The following NEGR1 variants were observed in gnomAD, a reference collection of about 807,000 sequenced individuals.
NEGR1 encodes the protein neuronal growth regulator 1, also known as IgLON family member 4.
A neutral mutation model predicts 40.9 loss-of-function variants in NEGR1; 10 were observed. The observed-to-expected ratio is 0.24, with a 90% CI of 0.15 to 0.42. The LOEUF is 0.42. Among genes scored for constraint, NEGR1 ranks in the 10% least tolerant of loss-of-function variants. The pLI is 1.00. For synonymous variants in NEGR1, 185 were observed against 166.8 expected, an observed-to-expected ratio of 1.11 and a Z score of -0.84; for missense variants, 352 against 438.9, an observed-to-expected ratio of 0.80 and a Z score of 1.77.
At chr1:71,921,975 T>A (rs1286054678) in intron 2 of NEGR1, among the ~76,000 whole-genome samples, 1 of 151,970 alleles carries the variant, frequency 6.6e-6, no homozygotes, top group Non-Finnish European at 1.5e-5. Context: ...AGAGAAGTTT[T>A]TACATACGTG....
chr1:71,511,753 T>C (rs1647074750), intron 6 of NEGR1, among the ~76,000 whole-genome samples: 1 of 152,216 alleles, frequency 6.6e-6, no homozygotes, highest in African/African-American at 2.4e-5. Context: ...TATCAGCAGC[T>C]GTATTTGCAC....
chr1:72,026,799 T>C (rs1057214588), intron 1 of NEGR1, among the ~76,000 whole-genome samples: 3 of 152,200 alleles, frequency 2.0e-5, no homozygotes, highest in Admixed American at 2.0e-4. Context: ...GTGAATTCCA[T>C]ACATTATTTC....
intron 1 of NEGR1, among the ~76,000 whole-genome samples, chr1:71,988,258 A>G (rs1646416925): frequency 1.3e-5 from 2 of 152,222 alleles, no homozygotes; most frequent in Non-Finnish European, 2.9e-5. Flanking sequence ...GGAAGAAAAA[A>G]GAAGGTATCA....
intron 1 of NEGR1, among the ~76,000 whole-genome samples, chr1:72,137,964 C>T (rs188662831): frequency 6.6e-6 from 1 of 151,960 alleles, no homozygotes; most frequent in Admixed American, 6.6e-5. Context: ...TAAAATATAT[C>T]TTAAAAACAA....
At chr1:72,024,776 T>C (rs1216843865) in intron 1 of NEGR1, among the ~76,000 whole-genome samples, 5 of 152,216 alleles carry the variant, frequency 3.3e-5, no homozygotes, top group African/African-American at 1.2e-4. Context: ...GTCATTATTG[T>C]GAAACGTGAG....
intron 2 of NEGR1, among the ~76,000 whole-genome samples, chr1:71,828,893 T>C (rs748556034): frequency 2.6e-5 from 4 of 151,918 alleles, no homozygotes; most frequent in African/African-American, 9.7e-5. Flanking sequence ...GGCTGAGCCA[T>C]GAGACAAGGC....
chr1:71,888,369 G>A (rs1344904821), intron 2 of NEGR1, among the ~76,000 whole-genome samples: 3 of 152,242 alleles, frequency 2.0e-5, no homozygotes, highest in South Asian at 2.1e-4. Context: ...CCCACCGTGC[G>A]CGAGCCTAAG....
chr1:71,876,821 G>T (rs761513328), intron 2 of NEGR1, among the ~76,000 whole-genome samples: 3 of 152,018 alleles, frequency 2.0e-5, no homozygotes, highest in African/African-American at 7.2e-5. Context: ...TTCACTGATG[G>T]ATAAACATTG....
At chr1:72,144,194 A>G (rs2100341746) in intron 1 of NEGR1, among the ~76,000 whole-genome samples, 1 of 151,528 alleles carries the variant, frequency 6.6e-6, no homozygotes, top group Middle Eastern at 3.4e-3. Context: ...TTCATTCTAA[A>G]TTACTTAAAA....
intron 6 of NEGR1, among the ~76,000 whole-genome samples, chr1:71,409,543 C>T (rs190588560): frequency 1.3e-5 from 2 of 152,126 alleles, no homozygotes; most frequent in Admixed American, 1.3e-4. Context: ...TCCTGGACCT[C>T]CTCTCATTCT....
intron 1 of NEGR1, among the ~76,000 whole-genome samples, chr1:72,102,016 C>T (rs557753478): frequency 1.7e-4 from 26 of 151,978 alleles, no homozygotes; most frequent in African/African-American, 6.0e-4. Context: ...TTATCTAATC[C>T]TAAGGCTCCC....
intron 6 of NEGR1, among the ~76,000 whole-genome samples, chr1:71,469,898 T>C (rs987796998): frequency 5.9e-5 from 9 of 152,112 alleles, no homozygotes; most frequent in African/African-American, 2.2e-4. Context: ...GACTATCCTT[T>C]GTTAATATAA....
intron 5 of NEGR1, among the ~76,000 whole-genome samples, chr1:71,594,769 A>T (rs1432445527): frequency 6.6e-6 from 1 of 152,164 alleles, no homozygotes; most frequent in Non-Finnish European, 1.5e-5. Context: ...ACTAATCCGT[A>T]TATATGCTGT....
intron 6 of NEGR1, among the ~76,000 whole-genome samples, chr1:71,419,838 G>A (rs977156091): frequency 6.6e-6 from 1 of 151,610 alleles, no homozygotes; most frequent in Non-Finnish European, 1.5e-5. Flanking sequence ...GCTGTGGAAG[G>A]ACTTTGGGGG....
intron 6 of NEGR1, among the ~76,000 whole-genome samples, chr1:71,514,186 A>AAGC (rs1186817971): frequency 7.1e-6 from 1 of 140,226 alleles, no homozygotes; most frequent in Non-Finnish European, 1.5e-5. Flanking sequence ...TAGGTAAACA[A>AAGC]AGCAGCCGGG....
At chr1:71,586,501 A>G (rs1339218710) in intron 6 of NEGR1, among the ~76,000 whole-genome samples, 3 of 152,180 alleles carry the variant, frequency 2.0e-5, no homozygotes, top group Admixed American at 1.3e-4. Context: ...AGAATTGACT[A>G]TGTAAAATCT....
At chr1:72,198,515 T>G (rs557869698) in intron 1 of NEGR1, among the ~76,000 whole-genome samples, 1 of 152,206 alleles carries the variant, frequency 6.6e-6, no homozygotes, top group African/African-American at 2.4e-5. Context: ...TCTATGTTAT[T>G]TTAACAACTG....
At chr1:71,987,213 T>C (rs1352890331) in intron 1 of NEGR1, among the ~76,000 whole-genome samples, 1 of 152,196 alleles carries the variant, frequency 6.6e-6, no homozygotes, top group Non-Finnish European at 1.5e-5. Context: ...ATCCTGTATG[T>C]TCTATAACCT....
chr1:72,012,312 G>C (rs1646663837), intron 1 of NEGR1, among the ~76,000 whole-genome samples: 1 of 152,012 alleles, frequency 6.6e-6, no homozygotes, highest in African/African-American at 2.4e-5. Flanking sequence ...AAGGGCTCAA[G>C]GTTAAAGCAA....
Sources: allele counts gnomAD v4.1 joint callset (sites outside exome capture counted in the v4.1 genomes callset), GRCh38; gene constraint gnomAD v4.1.1; transcripts MANE v1.5; gene names NCBI Gene and HGNC (gene_info 2026-07-23, HGNC 2026-07-21).